LETMD1: variants seen among roughly 807,000 people sequenced by gnomAD.
The protein encoded by LETMD1 is LETM1 domain containing 1, also known as LETM1 domain-containing protein 1.
In LETMD1, 30 loss-of-function variants were observed where a neutral mutation model predicts 43.9. The ratio of observed to expected loss-of-function variants is 0.68; its 90% CI spans 0.51 to 0.93. The LOEUF (loss-of-function observed/expected upper bound fraction) is 0.93. Among genes scored for constraint, LETMD1 ranks in the 40% least tolerant of loss-of-function variants. The pLI, the probability that LETMD1 is intolerant of heterozygous loss-of-function variation, is 0.00. For missense variants in LETMD1, 413 were observed against 447.7 expected (o/e 0.92, Z 0.70); for synonymous variants, 176 against 163.1 (o/e 1.08, Z -0.60).
downstream of LETMD1, chr12:51,063,809 G>C: frequency 6.2e-7 from 1 of 1,608,844 alleles, no homozygotes; most frequent in Non-Finnish European, 8.5e-7. Flanking sequence ...TCTGCTGGGA[G>C]GTCTTCACCA....
In LETMD1 at chr12:51,055,136, T is replaced by G. The variant is rs150958084; in HGVS notation, c.474-699T>G. The stretch of plus-strand genomic sequence containing the variant: ...AACAAATCAGTTGCCTTTTACATAC[T>G]GGGTCCACATAAGGACTGTGCTATA... On this transcript the variant is annotated intron_variant, in intron 4 of 8. Coordinates refer to ENST00000262055, the MANE Select transcript of LETMD1 (RefSeq NM_015416.5). Among the ~76,000 whole-genome samples the G allele has an allele frequency of 2.6e-4, 40 of 152,118 alleles. No individual in the cohort carries two copies. The East Asian group carries it at 7.2e-3, about 27-fold the overall frequency.
At chr12:51,061,574 A>G (rs1018599903), downstream of LETMD1, 2 of 152,490 alleles carry the variant, frequency 1.3e-5, no homozygotes, top group South Asian at 2.1e-4. Flanking sequence ...CTAAATGTTA[A>G]TATTTAGCAC....
chr12:51,048,767 T>C, intron 1 of LETMD1: 1 of 587,682 alleles, frequency 1.7e-6, no homozygotes, highest in Non-Finnish European at 3.0e-6. Context: ...CACCTCTTTC[T>C]GACTTAGCCT....
intron 3 of LETMD1, 65 bp downstream of exon 3, chr12:51,052,272 A>G: frequency 6.3e-7 from 1 of 1,581,998 alleles, no homozygotes. Context: ...CAAGATCTCA[A>G]GGTTTTTTCT....
the LETMD1 span, chr12:51,067,594 C>T: frequency 1.4e-6 from 2 of 1,404,080 alleles, no homozygotes; most frequent in Non-Finnish European, 2.0e-6. This position sits in a 1 kb window ranked among gnomAD's most constrained non-coding sequence, Gnocchi z 4.1. Context: ...CTGAATGGGC[C>T]TCCCATGTTC....
At chr12:51,048,326 C>G, upstream of LETMD1, 1 of 1,613,902 alleles carries the variant, frequency 6.2e-7, no homozygotes, top group Non-Finnish European at 8.5e-7. Flanking sequence ...CCAAAGACAA[C>G]CTCTTCTCTC....
downstream of LETMD1, among the ~76,000 whole-genome samples, chr12:51,065,305 T>C (rs1035125830): frequency 6.6e-6 from 1 of 152,190 alleles, no homozygotes; most frequent in African/African-American, 2.4e-5. Context: ...ACCAAGATAA[T>C]TAACTTACAG....
chr12:51,050,232 A>AT (rs35466308), intron 2 of LETMD1, among the ~76,000 whole-genome samples: 74,871 of 144,936 alleles, frequency 0.52, 19,845 homozygotes, highest in Non-Finnish European at 0.58. Context: ...TTTATTATGA[A>AT]TTTTTTTTTT....
chr12:51,065,926 G>A, the LETMD1 span, among the ~76,000 whole-genome samples: 2 of 149,368 alleles, frequency 1.3e-5, no homozygotes, highest in African/African-American at 5.0e-5. Flanking sequence ...CAAGGACTCA[G>A]CATCTACACC....
At chr12:51,051,606 C>G (rs1194844420) in intron 2 of LETMD1, among the ~76,000 whole-genome samples, 3 of 151,688 alleles carry the variant, frequency 2.0e-5, no homozygotes, top group Non-Finnish European at 4.4e-5. Flanking sequence ...ACTTGGGATT[C>G]TGAGGTGGGA....
At position 51,055,819 on chromosome 12, in the gene LETMD1, T is replaced by C. The variant is rs1372875472; in HGVS notation, c.474-16T>C. ...CCAGTTTCAGCAAGTGAGTTTGTGATTCTTTCTCCTTTCAGGTACCTGTTT... is the reference window on the plus strand; with the variant it reads ...CCAGTTTCAGCAAGTGAGTTTGTGACTCTTTCTCCTTTCAGGTACCTGTTT... On this transcript the variant is annotated splice_polypyrimidine_tract_variant and intron_variant, in intron 4 of 8. Transcript: ENST00000262055. The C allele has an allele frequency of 1.3e-6, 2 of 1,572,168 alleles. No homozygotes were observed. The highest frequency in any genetic ancestry group is 1.7e-6 in the Non-Finnish European group (2 of 1,159,502).
At chr12:51,064,083 C>T (rs1201076438), downstream of LETMD1, 1 of 1,614,212 alleles carries the variant, frequency 6.2e-7, no homozygotes, top group East Asian at 2.2e-5. Context: ...ACCAGGCTCT[C>T]CTTTCACTCC....
At chr12:51,064,703 G>T (rs370522473), downstream of LETMD1, 7 of 1,487,442 alleles carry the variant, frequency 4.7e-6, no homozygotes, top group African/African-American at 7.0e-5. Flanking sequence ...GGCAAGATGA[G>T]ACCTACAATC....
intron 4 of LETMD1, among the ~76,000 whole-genome samples, chr12:51,054,377 G>T (rs576009784): frequency 1.8e-4 from 28 of 152,110 alleles, no homozygotes; most frequent in Non-Finnish European, 2.1e-4. Flanking sequence ...TGCTCAGGTG[G>T]GCAGTTGATT....
the LETMD1 span, among the ~76,000 whole-genome samples, chr12:51,066,192 C>T: frequency 2.6e-5 from 4 of 151,928 alleles, no homozygotes; most frequent in African/African-American, 9.7e-5. Flanking sequence ...CGGTGGCTCA[C>T]GCCTGTAATC....
intron 2 of LETMD1, chr12:51,049,455 G>T: frequency 2.9e-6 from 1 of 339,626 alleles, no homozygotes; most frequent in Non-Finnish European, 5.4e-6. Flanking sequence ...CACACACCTG[G>T]CTATAGTAGA....
chr12:51,059,094 G>A (rs557338907), intron 8 of LETMD1: 6 of 416,442 alleles, frequency 1.4e-5, no homozygotes, highest in South Asian at 5.0e-5. Flanking sequence ...GAATCCCAAC[G>A]CGACTGGTGT....
intron 1 of LETMD1, 102 bp downstream of exon 1, chr12:51,048,580 T>C: frequency 6.9e-7 from 1 of 1,451,870 alleles, no homozygotes; most frequent in Non-Finnish European, 9.4e-7. Flanking sequence ...TTCCACGCCT[T>C]GGCCCTGGAA....
chr12:51,048,501 AG>A (rs778188604), intron 1 of LETMD1, 23 bp downstream of exon 1: 153 of 1,610,566 alleles, frequency 9.5e-5, no homozygotes, highest in Middle Eastern at 1.7e-4. Context: ...TAGCGAGAAA[AG>A]CATTTTTGAC....
Sources: allele counts gnomAD v4.1 joint callset (sites outside exome capture counted in the v4.1 genomes callset), GRCh38; gene constraint gnomAD v4.1.1; non-coding constraint Gnocchi (gnomAD v3.1); transcripts MANE v1.5; gene names NCBI Gene and HGNC (gene_info 2026-07-23, HGNC 2026-07-21).